Variants in THBS4 observed in about 807,000 individuals in gnomAD.
The protein encoded by THBS4 is thrombospondin-4.
In THBS4, 90 loss-of-function variants were observed where a neutral mutation model predicts 115.7. The observed-to-expected ratio is 0.78, with a 90% confidence interval of 0.66 to 0.93. The LOEUF (loss-of-function observed/expected upper bound fraction) is 0.93, where lower values mean the gene tolerates loss of function less well. Ranked by LOEUF, THBS4 falls within the 40% of genes least tolerant of loss-of-function variation. The pLI, the probability that THBS4 is intolerant of heterozygous loss-of-function variation, is 0.00. For synonymous variants in THBS4, 460 were observed against 479.3 expected, an observed-to-expected ratio of 0.96 and a Z score of 0.53; for missense variants, 1,087 against 1,232.7, an observed-to-expected ratio of 0.88 and a Z score of 1.77.
intron 1 of THBS4, chr5:80,036,035 G>A: frequency 1.0e-6 from 1 of 997,312 alleles, no homozygotes; most frequent in Non-Finnish European, 1.2e-6. Context: ...AGCGATGTAT[G>A]CCCAGAGTCT....
intron 2 of THBS4, among the ~76,000 whole-genome samples, chr5:80,015,345 G>C (rs1172029752): frequency 1.3e-5 from 2 of 152,176 alleles, no homozygotes; most frequent in Admixed American, 1.3e-4. Flanking sequence ...CTGCCAAGGT[G>C]AGTATGCCCT....
chr5:80,040,529 G>A (rs1230118944), intron 2 of THBS4, among the ~76,000 whole-genome samples: 1 of 152,116 alleles, frequency 6.6e-6, no homozygotes, highest in Non-Finnish European at 1.5e-5. Context: ...TTTTGACATT[G>A]TCTCATCCTG....
At chr5:80,037,907 G>A (rs1271607797) in intron 1 of THBS4, among the ~76,000 whole-genome samples, 1 of 152,076 alleles carries the variant, frequency 6.6e-6, no homozygotes, top group African/African-American at 2.4e-5. Context: ...TATGGTTTAG[G>A]GATATAGGCA....
chr5:80,035,135 G>A (rs1832668510), upstream of THBS4, among the ~76,000 whole-genome samples: 2 of 151,650 alleles, frequency 1.3e-5, no homozygotes, highest in Admixed American at 1.3e-4. The surrounding 1 kb of genome is among the most constrained non-coding windows in gnomAD (Gnocchi z 4.6). Flanking sequence ...CTACCCTCGC[G>A]CGTCGGGGCC....
chr5:80,082,196 G>T, intron 20 of THBS4: 1 of 430,972 alleles, frequency 2.3e-6, no homozygotes, highest in Non-Finnish European at 4.1e-6. Flanking sequence ...ACACACACAC[G>T]GACACACACG....
intron 2 of THBS4, among the ~76,000 whole-genome samples, chr5:80,011,891 A>AAAAG (rs1024399650): frequency 2.6e-5 from 4 of 152,138 alleles, no homozygotes; most frequent in Admixed American, 2.6e-4. Context: ...AAAAAGAAAA[A>AAAAG]AAAGAAAGAA....
At chr5:80,048,683 A>G (rs1833156402) in intron 2 of THBS4, among the ~76,000 whole-genome samples, 1 of 147,016 alleles carries the variant, frequency 6.8e-6, no homozygotes, top group East Asian at 2.0e-4. Flanking sequence ...TATACTTTAC[A>G]TTTATTCAAA....
intron 1 of THBS4, among the ~76,000 whole-genome samples, chr5:80,039,058 G>A (rs1389033224): frequency 6.6e-6 from 1 of 152,060 alleles, no homozygotes; most frequent in Non-Finnish European, 1.5e-5. Flanking sequence ...TATGTAAATT[G>A]CCTTTTCATA....
intron 2 of THBS4, among the ~76,000 whole-genome samples, chr5:80,050,325 G>C (rs1412618726): frequency 6.6e-6 from 1 of 152,170 alleles, no homozygotes; most frequent in Non-Finnish European, 1.5e-5. Context: ...AGTTTTTAAA[G>C]ATAATTTTGC....
chr5:80,005,255 C>A (rs1831992137), intron 2 of THBS4, among the ~76,000 whole-genome samples: 1 of 152,020 alleles, frequency 6.6e-6, no homozygotes, highest in African/African-American at 2.4e-5. Flanking sequence ...AGATGTCTTC[C>A]TTTTACGCTA....
chr5:80,044,392 A>G (rs1329395933), intron 2 of THBS4, among the ~76,000 whole-genome samples: 3 of 151,874 alleles, frequency 2.0e-5, no homozygotes, highest in Non-Finnish European at 2.9e-5. Context: ...GGATTCCACA[A>G]TATCTGACAC....
At position 80,055,994 on chromosome 5, in the gene THBS4, G is replaced by C. The variant is rs780799770; in HGVS notation, c.502G>C (p.Glu168Gln). ...RAFAGPSQKP[E>Q]TIELRTFQRK... ...CTTTGCTGGCCCCTCCCAGAAACCTGAGACCATTGAATTGAGGACTTTCCA... is the reference window on the plus strand; with the variant it reads ...CTTTGCTGGCCCCTCCCAGAAACCTCAGACCATTGAATTGAGGACTTTCCA... The change falls in exon 3 of 22, where the codon GAG (glutamate) becomes CAG (glutamine). Residue 168 changes from glutamate to glutamine, a missense_variant. Glu to Gln is a conservative substitution (Grantham distance 29, BLOSUM62 2). This residue lies in a region of THBS4 where 979 missense variants were observed against 1,103.7 expected (regional missense o/e 0.89). Transcript: ENST00000350881. 3.3e-5 allele frequency: 53 copies of C among 1,613,358 alleles called. No homozygotes were observed. The highest frequency in any genetic ancestry group is 4.2e-5 in the Non-Finnish European group (50 of 1,179,554).
At chr5:80,064,977 A>G (rs1833762806) in intron 8 of THBS4, among the ~76,000 whole-genome samples, 1 of 152,158 alleles carries the variant, frequency 6.6e-6, no homozygotes, top group African/African-American at 2.4e-5. Flanking sequence ...GAAGATATTA[A>G]CAAGAAAGTT....
chr5:80,028,874 G>GT (rs1221454698), intron 2 of THBS4, among the ~76,000 whole-genome samples: 1 of 151,848 alleles, frequency 6.6e-6, no homozygotes, highest in Non-Finnish European at 1.5e-5. Context: ...CCCCCTCCCT[G>GT]TTTTTTCTTA....
intron 4 of THBS4, 92 bp downstream of exon 4, chr5:80,058,406 T>C (rs1833504859): frequency 1.0e-5 from 9 of 897,284 alleles, no homozygotes; most frequent in Non-Finnish European, 1.6e-5. Flanking sequence ...AGTGGGACTG[T>C]CAACAGAGCA....
chr5:80,003,001 A>C (rs1181348846), intron 2 of THBS4, among the ~76,000 whole-genome samples: 1 of 151,880 alleles, frequency 6.6e-6, no homozygotes, highest in East Asian at 1.9e-4. Context: ...CAGAACAGGG[A>C]ATATACATTT....
intron 2 of THBS4, among the ~76,000 whole-genome samples, chr5:80,055,119 C>T (rs752633173): frequency 1.3e-4 from 20 of 151,818 alleles, no homozygotes; most frequent in Non-Finnish European, 2.6e-4. Flanking sequence ...CTCGGGATTT[C>T]GAGACCAGCC....
intron 2 of THBS4, among the ~76,000 whole-genome samples, chr5:80,000,464 T>C (rs972965971): frequency 4.6e-5 from 7 of 152,172 alleles, no homozygotes; most frequent in Non-Finnish European, 8.8e-5. Context: ...GGAGTCTTCC[T>C]CCTTTTGCTG....
chr5:80,083,017 G>A (rs2112184342), intron 21 of THBS4, 63 bp from the exon 22 acceptor site: 5 of 1,478,006 alleles, frequency 3.4e-6, no homozygotes, highest in Non-Finnish European at 3.8e-6. Context: ...AGCCGCGGGC[G>A]GGGGTCCGGG....
Sources: allele counts gnomAD v4.1 joint callset (sites outside exome capture counted in the v4.1 genomes callset), GRCh38; gene constraint gnomAD v4.1.1; regional missense constraint gnomAD v4.1.1; non-coding constraint Gnocchi (gnomAD v3.1); transcripts MANE v1.5; gene names NCBI Gene and HGNC (gene_info 2026-07-23, HGNC 2026-07-21).